The following ADARB2 variants were observed in gnomAD, a reference collection of about 807,000 sequenced individuals.
ADARB2 encodes adenosine deaminase RNA specific B2 (inactive).
ADARB2 carries 25 observed loss-of-function variants against 62.2 expected under a neutral mutation model. The observed-to-expected ratio is 0.40, with a 90% confidence interval of 0.29 to 0.56. The LOEUF (loss-of-function observed/expected upper bound fraction) is 0.56, where lower values mean the gene tolerates loss of function less well. Ranked by LOEUF, ADARB2 falls within the 20% of genes least tolerant of loss-of-function variation. The pLI, the probability that ADARB2 is intolerant of heterozygous loss-of-function variation, is 0.43. For synonymous variants in ADARB2, 572 were observed against 500.8 expected, an observed-to-expected ratio of 1.14 and a Z score of -1.90; for missense variants, 1,071 against 1,077.4, an observed-to-expected ratio of 0.99 and a Z score of 0.08.
At chr10:1,614,492 C>T (rs1009043794) in intron 1 of ADARB2, among the ~76,000 whole-genome samples, 16 of 152,144 alleles carry the variant, frequency 1.1e-4, no homozygotes, top group Middle Eastern at 3.2e-3. Flanking sequence ...GGGTTTATAA[C>T]GAGTGAAATA....
chr10:1,591,679 G>GCA (rs1305696832), intron 1 of ADARB2, among the ~76,000 whole-genome samples: 49 of 108,304 alleles, frequency 4.5e-4, no homozygotes, highest in Middle Eastern at 5.3e-3. Flanking sequence ...ACACACACAC[G>GCA]CACACACTCA....
intron 1 of ADARB2, among the ~76,000 whole-genome samples, chr10:1,644,725 A>T (rs1012791198): frequency 1.3e-5 from 2 of 152,366 alleles, no homozygotes; most frequent in Non-Finnish European, 2.9e-5. Context: ...TGCCTCTCAC[A>T]CTTGTAAGGA....
At chr10:1,684,335 CT>C (rs370943659) in intron 1 of ADARB2, among the ~76,000 whole-genome samples, 12 of 152,100 alleles carry the variant, frequency 7.9e-5, no homozygotes, top group East Asian at 1.9e-4. Flanking sequence ...CCTAAAAACA[CT>C]TTTTTTTCAG....
At chr10:1,309,549 T>G (rs1456683416) in intron 3 of ADARB2, among the ~76,000 whole-genome samples, 2 of 152,224 alleles carry the variant, frequency 1.3e-5, no homozygotes, top group African/African-American at 4.8e-5. Context: ...GTTTAATATT[T>G]GAAAAGTTTT....
chr10:1,368,455 A>G (rs568929476), intron 2 of ADARB2, among the ~76,000 whole-genome samples: 113 of 152,184 alleles, frequency 7.4e-4, no homozygotes, highest in African/African-American at 2.6e-3. Context: ...CTCCCTGCTC[A>G]TCTTTTTCCC....
rs562056305 is a variant in ADARB2 at position 1,678,705 on chromosome 10, G to T, written c.100+58346C>A. On this transcript the variant is annotated intron_variant, in intron 1 of 9. Transcript: ENST00000381312. ...TCTTTTTAGGAGAGCACCTTTGCTTGCAGGTAACTCCACTGTGGAGTTTGC... is the reference window on the plus strand; with the variant it reads ...TCTTTTTAGGAGAGCACCTTTGCTTTCAGGTAACTCCACTGTGGAGTTTGC... Among the ~76,000 whole-genome samples the T allele has an allele frequency of 7.9e-5, 12 of 152,228 alleles. No homozygotes were observed. In the South Asian group the frequency reaches 2.5e-3, roughly 32 times the overall value.
intron 1 of ADARB2, among the ~76,000 whole-genome samples, chr10:1,712,998 A>C (rs1024885065): frequency 6.6e-6 from 1 of 152,174 alleles, no homozygotes. Context: ...TTCATCAGTC[A>C]TGTGTACTTC....
chr10:1,294,291 TG>T (rs1831504078), intron 3 of ADARB2, among the ~76,000 whole-genome samples: 1 of 152,178 alleles, frequency 6.6e-6, no homozygotes, highest in Non-Finnish European at 1.5e-5. Flanking sequence ...TGCAGATGGC[TG>T]AGGCTCACAT....
intron 1 of ADARB2, among the ~76,000 whole-genome samples, chr10:1,408,971 C>T (rs1046283673): frequency 5.3e-5 from 8 of 152,174 alleles, no homozygotes; most frequent in African/African-American, 1.4e-4. Flanking sequence ...CTGCTGGCTC[C>T]GTGGTGGTGG....
At chr10:1,580,103 TTTC>T (rs1472281287) in intron 1 of ADARB2, among the ~76,000 whole-genome samples, 1 of 152,232 alleles carries the variant, frequency 6.6e-6, no homozygotes, top group African/African-American at 2.4e-5. Context: ...GCCAGATTTC[TTTC>T]TTATTTTTAA....
chr10:1,445,484 C>T (rs1830959519), intron 1 of ADARB2, among the ~76,000 whole-genome samples: 1 of 152,010 alleles, frequency 6.6e-6, no homozygotes, highest in Non-Finnish European at 1.5e-5. Context: ...CATTCACCAC[C>T]CATCCACCCA....
At chr10:1,626,582 C>T (rs1016267525) in intron 1 of ADARB2, among the ~76,000 whole-genome samples, 4 of 152,162 alleles carry the variant, frequency 2.6e-5, no homozygotes, top group Non-Finnish European at 5.9e-5. Flanking sequence ...CCAGGCCATC[C>T]GTGAGGCAGA....
chr10:1,627,653 G>T (rs1833787464), intron 1 of ADARB2, among the ~76,000 whole-genome samples: 1 of 152,214 alleles, frequency 6.6e-6, no homozygotes, highest in Admixed American at 6.5e-5. Flanking sequence ...AAATGGAGAT[G>T]CAGAAGCACT....
chr10:1,246,012 T>C (rs1179742193), intron 4 of ADARB2, among the ~76,000 whole-genome samples: 1 of 151,622 alleles, frequency 6.6e-6, no homozygotes, highest in Non-Finnish European at 1.5e-5. Context: ...GTTTCCTGAC[T>C]TTTTAATGAT....
intron 1 of ADARB2, chr10:1,526,856 A>G: frequency 1.9e-6 from 1 of 515,252 alleles, no homozygotes; most frequent in Admixed American, 2.0e-5. Flanking sequence ...GGGCACAGGC[A>G]GCCACTTCGC....
chr10:1,338,451 T>C (rs1347472059), intron 3 of ADARB2, among the ~76,000 whole-genome samples: 1 of 152,226 alleles, frequency 6.6e-6, no homozygotes, highest in Admixed American at 6.5e-5. Flanking sequence ...ATTCTCAGTT[T>C]TAACTATTTC....
intron 1 of ADARB2, among the ~76,000 whole-genome samples, chr10:1,453,270 G>A (rs1831060828): frequency 6.6e-6 from 1 of 152,176 alleles, no homozygotes; most frequent in Non-Finnish European, 1.5e-5. Context: ...CATTTTTAAT[G>A]TGATGACGTT....
intron 3 of ADARB2, among the ~76,000 whole-genome samples, chr10:1,280,937 C>T (rs1831365167): frequency 1.3e-5 from 2 of 152,204 alleles, no homozygotes; most frequent in Non-Finnish European, 2.9e-5. Flanking sequence ...ACAGGCTGAG[C>T]ACGCACGGCT....
Position 1,245,924 on chromosome 10 carries a change from C to T in ADARB2, c.1193-3625G>A, listed in dbSNP as rs190600921. 2.4e-3 allele frequency among the ~76,000 whole-genome samples: 369 copies of T among 151,720 alleles called. 1 individual carries two copies. Among genetic ancestry groups the T allele is most frequent in the African/African-American group, 8.5e-3 (352 of 41,356 alleles). Reference sequence around the variant, plus strand: ...TGAGGAATCACCATACTGACTTCCACAATGGTTGAACTAGTTTACAGTCAC... The same window carrying T: ...TGAGGAATCACCATACTGACTTCCATAATGGTTGAACTAGTTTACAGTCAC... On this transcript the variant is annotated intron_variant, in intron 4 of 9. Transcript: ENST00000381312.
Sources: gnomAD v4.1 joint callset for allele counts (sites outside exome capture counted in the v4.1 genomes callset) on GRCh38, gnomAD v4.1.1 for gene constraint, MANE v1.5 for transcripts, NCBI Gene and HGNC (gene_info 2026-07-23, HGNC 2026-07-21) for gene names.